The following RMDN3 variants were observed in gnomAD, a reference collection of about 807,000 sequenced individuals.
The protein encoded by RMDN3 is regulator of microtubule dynamics 3.
Under a neutral mutation model 61.8 loss-of-function variants are expected in RMDN3, and 41 were observed. The ratio of observed to expected loss-of-function variants is 0.66; its 90% CI spans 0.52 to 0.86. The LOEUF is 0.86. Ranked by LOEUF, RMDN3 falls within the 40% of genes least tolerant of loss-of-function variation. The probability of loss-of-function intolerance (pLI) is 0.00; values close to 1 mark genes in which losing one functional copy is unlikely to be tolerated. For missense variants in RMDN3, 557 were observed against 585.3 expected (o/e 0.95, Z 0.50); for synonymous variants, 247 against 232.0 (o/e 1.06, Z -0.59).
chr15:40,737,552 T>TAAGGGTCTCAATAATGTCCTTA (rs1185220978), intron 10 of RMDN3, 76 bp downstream of exon 10: 3 of 1,370,170 alleles, frequency 2.2e-6, no homozygotes. Flanking sequence ...CCCCTCCCAT[T>TAAGGGTCTCAATAATGTCCTTA]AAGGGTCTCA....
At chr15:40,737,870 G>T in intron 9 of RMDN3, 95 bp downstream of exon 9, 1 of 1,505,256 alleles carries the variant, frequency 6.6e-7, no homozygotes. Flanking sequence ...GGGCACCTGA[G>T]CCAGAGAAGG....
chr15:40,745,237 A>G lies in RMDN3; in HGVS notation c.547T>C (p.Ser183Pro). 6.2e-7 allele frequency: 1 copy of G among 1,613,334 alleles called. No individual in the cohort carries two copies. The highest frequency in any genetic ancestry group is 2.2e-5 in the East Asian group (1 of 44,848). The stretch of plus-strand genomic sequence containing the variant: ...TTGTCAGAGTCCCGCTCATTGTCAG[A>G]CTCCGCATTGGCTGTTGTGTAACTG... ...EGGYTTANAE[S>P]DNERDSDKES... The change falls in exon 5 of 13, where the codon TCT becomes CCT. Residue 183 changes from serine (S) to proline (P), a missense_variant. Transcript: ENST00000338376.
chr15:40,740,257 G>A (rs1897228166), intron 6 of RMDN3, 64 bp from the exon 7 acceptor site: 3 of 1,115,284 alleles, frequency 2.7e-6, no homozygotes, highest in Non-Finnish European at 4.1e-6. Flanking sequence ...AGGAAGGCTT[G>A]TGGGAAGAAT....
At chr15:40,748,209 C>T (rs775224444) in intron 4 of RMDN3, among the ~76,000 whole-genome samples, 84 of 152,258 alleles carry the variant, frequency 5.5e-4, no homozygotes, top group Non-Finnish European at 9.3e-4. Context: ...AATCTCAGCC[C>T]TTCATCCCTC....
intron 7 of RMDN3, chr15:40,738,780 G>T (rs528256430): frequency 8.4e-6 from 5 of 593,084 alleles, no homozygotes; most frequent in Non-Finnish European, 1.5e-5. Flanking sequence ...ATAATGGTAG[G>T]CTTACAAGTC....
At position 40,745,206 on chromosome 15, in the gene RMDN3, C is replaced by G. The variant is rs1897474108; in HGVS notation, c.578G>C (p.Ser193Thr). The change falls in exon 5 of 13, where the codon AGT (serine) becomes ACT (threonine). Residue 193 changes from serine (S) to threonine (T), a missense_variant. By Grantham distance (58) the Ser-to-Thr change is moderately conservative. Transcript: ENST00000338376. Reference sequence around the variant, plus strand: ...GCTCACTTCATCTTCCCCGTCCTCACTTTCTTTGTCAGAGTCCCGCTCATT... The same window carrying G: ...GCTCACTTCATCTTCCCCGTCCTCAGTTTCTTTGTCAGAGTCCCGCTCATT... ...SDNERDSDKE[S>T]EDGEDEVSCE... 1.2e-6 allele frequency: 2 copies of G among 1,614,130 alleles called. No homozygotes were observed. Among genetic ancestry groups the G allele is most frequent in the South Asian group, 2.2e-5 (2 of 91,080 alleles).
At chr15:40,744,357 G>GCTTGGCTTT in intron 5 of RMDN3, 3 of 540,042 alleles carry the variant, frequency 5.6e-6, no homozygotes, top group Non-Finnish European at 6.7e-6. Context: ...CTAGCCAGTA[G>GCTTGGCTTT]CTTGCACAAT....
At chr15:40,751,757 G>T in intron 3 of RMDN3, 188 bp from the exon 4 acceptor site, 1 of 911,036 alleles carries the variant, frequency 1.1e-6, no homozygotes, top group Non-Finnish European at 1.7e-6. Context: ...GACAGACTAG[G>T]TTAGGCAAAC....
chr15:40,740,232 T>TA (rs1567062573), intron 6 of RMDN3, 39 bp from the exon 7 acceptor site: 3 of 1,354,172 alleles, frequency 2.2e-6, no homozygotes, highest in Admixed American at 1.7e-5. Flanking sequence ...ACATAGCTCT[T>TA]ATGCACACTT....
In RMDN3 at chr15:40,736,529, A is replaced by G; in HGVS notation, c.*12T>C. Reference sequence around the variant, plus strand: ...ATAGTGGCATCAAGTCATGAAGGCCAGTGAAACGTGGTTAGTCTCGTAAAA... The same window carrying G: ...ATAGTGGCATCAAGTCATGAAGGCCGGTGAAACGTGGTTAGTCTCGTAAAA... On this transcript the variant is annotated 3_prime_UTR_variant, in exon 13 of 13. Coordinates refer to ENST00000338376, the MANE Select transcript of RMDN3 (RefSeq NM_018145.3). 5 of 1,613,432 alleles carry G rather than the reference A, an allele frequency of 3.1e-6. No individual in the cohort carries two copies. The highest frequency in any genetic ancestry group is 4.2e-6 in the Non-Finnish European group (5 of 1,179,390).
At chr15:40,752,236 C>G in intron 2 of RMDN3, 58 bp from the exon 3 acceptor site, 1 of 1,527,810 alleles carries the variant, frequency 6.5e-7, no homozygotes, top group Non-Finnish European at 8.9e-7. Flanking sequence ...GGGAAGAGAT[C>G]TCACACCCAG....
chr15:40,755,238 A>C lies in RMDN3; in HGVS notation c.-163T>G, dbSNP rs1410723187. 3 of 152,804 alleles carry C rather than the reference A, an allele frequency of 2.0e-5. No individual in the cohort carries two copies. The highest frequency in any genetic ancestry group is 6.5e-5 in the Admixed American group (1 of 15,292). The allele number at this position is 152,804 out of a possible 1,614,324, so 9.5% of individuals were successfully genotyped here. On this transcript the variant is annotated 5_prime_UTR_variant, in exon 1 of 13. Transcript: ENST00000338376. ...CCATGGCAGCAGCCGCCGCGGGCTCACGCTGTCAGTGACCGTGACGTCAGG... is the reference window on the plus strand; with the variant it reads ...CCATGGCAGCAGCCGCCGCGGGCTCCCGCTGTCAGTGACCGTGACGTCAGG...
rs1424868957 is a variant in RMDN3, at chr15:40,744,126, G to A, written c.831C>T (p.Leu277=). 1.2e-6 allele frequency: 2 copies of A among 1,613,554 alleles called. No individual in the cohort carries two copies. Among genetic ancestry groups the A allele is most frequent in the South Asian group, 2.2e-5 (2 of 91,078 alleles). ...CACTGTAGGCTCGGGCCAGGCGCCA[G>A]AGAAAGTCCTGCCGGCTTCCATACT... ...KLVYGSRQDF[L]WRLARAYSDM... Residue 277 remains leucine, a synonymous_variant, in exon 6 of 13, where the codon CTC becomes CTT. Transcript: ENST00000338376.
chr15:40,754,349 C>T (rs568154750), intron 2 of RMDN3, among the ~76,000 whole-genome samples: 195 of 152,252 alleles, frequency 1.3e-3, no homozygotes, highest in African/African-American at 4.6e-3. Context: ...TCTGGTTGAA[C>T]GTTGGCCAGG....
Position 40,745,128 on chromosome 15 carries a change from G to GCCT in RMDN3, c.653_655dup (p.Glu218dup), listed in dbSNP as rs746561259. On this transcript the variant is annotated inframe_insertion, in exon 5 of 13. Transcript: ENST00000338376. ...CAGGGCACTGGAGGCACCTGAAGCTGCCTCTTCCTCCAAGTCAAGAGAATC... is the reference window on the plus strand; with the variant it reads ...CAGGGCACTGGAGGCACCTGAAGCTGCCTCCTCTTCCTCCAAGTCAAGAGAATC... 1 of 1,614,160 alleles carries GCCT rather than the reference G, an allele frequency of 6.2e-7. No homozygotes were observed. The highest frequency in any genetic ancestry group is 2.2e-5 in the East Asian group (1 of 44,876).
chr15:40,754,526 C>T (rs1483089150), intron 2 of RMDN3, 71 bp downstream of exon 2: 21 of 1,436,294 alleles, frequency 1.5e-5, no homozygotes, highest in Non-Finnish European at 1.8e-5. Flanking sequence ...CCCACAGTCT[C>T]CACCGAAAGC....
chr15:40,738,710 C>A, intron 7 of RMDN3, 134 bp from the exon 8 acceptor site: 1 of 782,552 alleles, frequency 1.3e-6, no homozygotes. Flanking sequence ...ACCTAATTTT[C>A]ATCTGTACGT....
rs1897084771 is a variant in RMDN3, at chr15:40,737,134, A to C, written c.1349T>G (p.Val450Gly). Residue 450 changes from valine (V) to glycine (G), a missense_variant, in exon 12 of 13, where the codon GTC (valine) becomes GGC (glycine). By Grantham distance (109) the Val-to-Gly change is moderately radical (BLOSUM62 -3). Coordinates refer to ENST00000338376, the MANE Select transcript of RMDN3 (RefSeq NM_018145.3). ...ATTAAAAAGCCTTACCTCCTTCGTGACATCTGGCAGCTCCAGGGCCAACTT... is the reference window on the plus strand; with the variant it reads ...ATTAAAAAGCCTTACCTCCTTCGTGCCATCTGGCAGCTCCAGGGCCAACTT... ...WMKLALELPD[V>G]TKEDLAIQKD... 6.2e-7 allele frequency: 1 copy of C among 1,614,122 alleles called. No homozygotes were observed. The highest frequency in any genetic ancestry group is 1.3e-5 in the African/African-American group (1 of 75,050).
Position 40,744,112 on chromosome 15 carries a change from C to G in RMDN3, c.845G>C (p.Arg282Pro), listed in dbSNP as rs775881556. The change falls in exon 6 of 13, where the codon CGA becomes CCA. Residue 282 changes from arginine to proline, a missense_variant. By Grantham distance (103) the Arg-to-Pro change is moderately radical. Transcript: ENST00000338376. Reference protein sequence around the residue: ...SRQDFLWRLARAYSDMCELTE... With the variant: ...SRQDFLWRLAPAYSDMCELTE... Reference sequence around the variant, plus strand: ...GAGCTCACACATGTCACTGTAGGCTCGGGCCAGGCGCCAGAGAAAGTCCTG... The same window carrying G: ...GAGCTCACACATGTCACTGTAGGCTGGGGCCAGGCGCCAGAGAAAGTCCTG... 2 of 1,613,606 alleles carry G rather than the reference C, an allele frequency of 1.2e-6. No individual in the cohort carries two copies. The highest frequency in any genetic ancestry group is 1.7e-6 in the Non-Finnish European group (2 of 1,180,012).
Sources: gnomAD v4.1 joint callset for allele counts (sites outside exome capture counted in the v4.1 genomes callset) on GRCh38, gnomAD v4.1.1 for gene constraint, MANE v1.5 for transcripts, NCBI Gene and HGNC (gene_info 2026-07-23, HGNC 2026-07-21) for gene names.